The following GRIK1 variants were observed in gnomAD, a reference collection of about 807,000 sequenced individuals.
GRIK1 encodes the protein glutamate receptor ionotropic, kainate 1.
Under a neutral mutation model 105.7 loss-of-function variants are expected in GRIK1, and 69 were observed. The ratio of observed to expected loss-of-function variants is 0.65; its 90% confidence interval spans 0.54 to 0.80. GRIK1 has a LOEUF of 0.80. Among genes scored for constraint, GRIK1 ranks in the 30% least tolerant of loss-of-function variants. The probability of loss-of-function intolerance (pLI) is 0.00; values close to 1 mark genes in which losing one functional copy is unlikely to be tolerated. For synonymous variants in GRIK1, 438 were observed against 431.3 expected, an observed-to-expected ratio of 1.02 and a Z score of -0.19; for missense variants, 1,109 against 1,167.3, an observed-to-expected ratio of 0.95 and a Z score of 0.73.
At chr21:29,790,773 C>T (rs1416848661) in intron 1 of GRIK1, among the ~76,000 whole-genome samples, 1 of 152,144 alleles carries the variant, frequency 6.6e-6, no homozygotes, top group African/African-American at 2.4e-5. Flanking sequence ...ACCTTATTCA[C>T]CTATTTACAA....
At chr21:29,833,323 A>G (rs1569142636) in intron 1 of GRIK1, among the ~76,000 whole-genome samples, 1 of 152,134 alleles carries the variant, frequency 6.6e-6, no homozygotes, top group Non-Finnish European at 1.5e-5. Context: ...ACCCAGTTCC[A>G]AAGTCACCTC....
intron 1 of GRIK1, among the ~76,000 whole-genome samples, chr21:29,913,631 A>T (rs1243644422): frequency 2.0e-5 from 3 of 150,998 alleles, no homozygotes; most frequent in Non-Finnish European, 4.4e-5. Flanking sequence ...AGAATACACA[A>T]TGTCAAAAGA....
intron 3 of GRIK1, among the ~76,000 whole-genome samples, chr21:29,681,170 A>G (rs963477287): frequency 6.6e-6 from 1 of 152,194 alleles, no homozygotes; most frequent in Admixed American, 6.5e-5. Context: ...CATAGTACAT[A>G]TAGGGTTCAG....
At chr21:29,598,491 G>A (rs181561490) in intron 8 of GRIK1, among the ~76,000 whole-genome samples, 1 of 152,244 alleles carries the variant, frequency 6.6e-6, no homozygotes, top group East Asian at 1.9e-4. Context: ...GATAGCTTCT[G>A]CTTTTCCAAG....
chr21:29,898,403 G>A (rs967151106), intron 1 of GRIK1, among the ~76,000 whole-genome samples: 3 of 152,128 alleles, frequency 2.0e-5, no homozygotes, highest in East Asian at 1.9e-4. Flanking sequence ...AGGGCAAAAG[G>A]TTCTATGGGC....
chr21:29,896,999 C>T (rs1183803126), intron 1 of GRIK1, among the ~76,000 whole-genome samples: 1 of 152,080 alleles, frequency 6.6e-6, no homozygotes, highest in Non-Finnish European at 1.5e-5. Context: ...ATCTTTTACC[C>T]CCTTAACCTA....
chr21:29,747,623 G>A (rs879825384), intron 1 of GRIK1, among the ~76,000 whole-genome samples: 1 of 152,204 alleles, frequency 6.6e-6, no homozygotes, highest in Admixed American at 6.5e-5. Flanking sequence ...GAGGTCAGGA[G>A]ATCGAGACCA....
chr21:29,628,151 G>A (rs1414047080), intron 7 of GRIK1, among the ~76,000 whole-genome samples: 1 of 152,122 alleles, frequency 6.6e-6, no homozygotes, highest in African/African-American at 2.4e-5. Flanking sequence ...ATCCATGTCA[G>A]GTCACCCACA....
intron 1 of GRIK1, among the ~76,000 whole-genome samples, chr21:29,850,627 A>T (rs570479670): frequency 2.2e-4 from 33 of 152,324 alleles, no homozygotes; most frequent in African/African-American, 7.7e-4. Context: ...TTTAGTGCTC[A>T]TAACATCTTG....
chr21:29,858,912 T>C (rs1450519692), intron 1 of GRIK1, among the ~76,000 whole-genome samples: 1 of 151,406 alleles, frequency 6.6e-6, no homozygotes, highest in East Asian at 2.0e-4. Context: ...TTGGCAGTTC[T>C]GAAGTTTCTC....
chr21:29,897,682 T>G (rs1386838651), intron 1 of GRIK1, among the ~76,000 whole-genome samples: 1 of 152,220 alleles, frequency 6.6e-6, no homozygotes, highest in African/African-American at 2.4e-5. Flanking sequence ...TGTGACATCT[T>G]AAAAGCTTTG....
intron 1 of GRIK1, among the ~76,000 whole-genome samples, chr21:29,757,116 T>A (rs543046842): frequency 4.0e-5 from 6 of 151,828 alleles, no homozygotes; most frequent in African/African-American, 1.4e-4. Context: ...AGACTCCATC[T>A]CAATATAAAA....
intron 1 of GRIK1, among the ~76,000 whole-genome samples, chr21:29,803,022 G>A (rs976850011): frequency 6.6e-6 from 1 of 152,130 alleles, no homozygotes; most frequent in Non-Finnish European, 1.5e-5. Flanking sequence ...CAAGCAGACA[G>A]TGAAATTTTA....
intron 1 of GRIK1, among the ~76,000 whole-genome samples, chr21:29,871,411 T>C (rs1348196236): frequency 6.6e-6 from 1 of 152,182 alleles, no homozygotes; most frequent in Non-Finnish European, 1.5e-5. Context: ...GTGATGAAAC[T>C]GAGTCTAAGA....
At chr21:29,699,588 TTGTTTGTTTTTTTG>T (rs2063773842) in intron 1 of GRIK1, among the ~76,000 whole-genome samples, 1 of 152,114 alleles carries the variant, frequency 6.6e-6, no homozygotes, top group Non-Finnish European at 1.5e-5. Context: ...TCTTTTTTGT[TTGTTTGTTTTTTTG>T]TGTTTGTTTT....
At chr21:29,779,969 A>C (rs1208731422) in intron 1 of GRIK1, among the ~76,000 whole-genome samples, 1 of 152,214 alleles carries the variant, frequency 6.6e-6, no homozygotes, top group Non-Finnish European at 1.5e-5. Flanking sequence ...ACTATGAAAT[A>C]ATTAAATCTG....
intron 3 of GRIK1, among the ~76,000 whole-genome samples, chr21:29,681,182 A>G (rs574282391): frequency 8.1e-4 from 124 of 152,286 alleles, no homozygotes; most frequent in Non-Finnish European, 8.8e-4. Flanking sequence ...AGGGTTCAGT[A>G]CTATCCGTGG....
In GRIK1 at chr21:29,867,093, T is replaced by G. The variant is rs563492678; in HGVS notation, c.118+72290A>C. Among the ~76,000 whole-genome samples, 13 of 152,290 alleles carry G rather than the reference T, an allele frequency of 8.5e-5. No individual in the cohort carries two copies. In the South Asian group the frequency reaches 2.7e-3, roughly 32 times the overall value. Reference sequence around the variant, plus strand: ...GTCTAATGACATTTTTAGTATACGCTCAATAACCTTTTGGAAAACACTCCA... The same window carrying G: ...GTCTAATGACATTTTTAGTATACGCGCAATAACCTTTTGGAAAACACTCCA... On this transcript the variant is annotated intron_variant, in intron 1 of 17. Coordinates refer to ENST00000327783, the MANE Select transcript of GRIK1 (RefSeq NM_001330994.2).
intron 1 of GRIK1, among the ~76,000 whole-genome samples, chr21:29,717,096 C>G (rs1041205301): frequency 6.6e-6 from 1 of 152,240 alleles, no homozygotes; most frequent in Non-Finnish European, 1.5e-5. Context: ...GTTGTTGAGG[C>G]TGTAGGTGCA....
Sources: gnomAD v4.1 joint callset for allele counts (sites outside exome capture counted in the v4.1 genomes callset) on GRCh38, gnomAD v4.1.1 for gene constraint, MANE v1.5 for transcripts, NCBI Gene and HGNC (gene_info 2026-07-23, HGNC 2026-07-21) for gene names.